Variants in RBFOX3 observed in about 807,000 individuals in gnomAD.
RBFOX3 encodes RNA binding fox-1 homolog 3.
In RBFOX3, 17 loss-of-function variants were observed where a neutral mutation model predicts 48.7. That is an observed-to-expected ratio of 0.35 (90% confidence interval 0.24 to 0.52). The LOEUF (loss-of-function observed/expected upper bound fraction) is 0.52. Ranked by LOEUF, RBFOX3 falls within the 20% of genes least tolerant of loss-of-function variation. The pLI, the probability that RBFOX3 is intolerant of heterozygous loss-of-function variation, is 0.94. For missense variants in RBFOX3, 382 were observed against 497.5 expected, an observed-to-expected ratio of 0.77 and a Z score of 2.21; for synonymous variants, 212 against 209.5, an observed-to-expected ratio of 1.01 and a Z score of -0.10.
intron 2 of RBFOX3, among the ~76,000 whole-genome samples, chr17:79,461,588 T>A (rs2075373645): frequency 6.6e-6 from 1 of 152,242 alleles, no homozygotes; most frequent in Non-Finnish European, 1.5e-5. Context: ...CACTGCCCAT[T>A]TCCCCATGGT....
the RBFOX3 span, among the ~76,000 whole-genome samples, chr17:79,645,846 C>A: frequency 6.6e-6 from 1 of 152,222 alleles, no homozygotes; most frequent in Non-Finnish European, 1.5e-5. Flanking sequence ...TAGAGGGAAC[C>A]TTGAGACACC....
At chr17:79,474,129 A>G (rs1396485701) in intron 2 of RBFOX3, among the ~76,000 whole-genome samples, 1 of 152,082 alleles carries the variant, frequency 6.6e-6, no homozygotes. Context: ...AGAAAAAAAA[A>G]AAAATGAAGA....
chr17:79,342,280 T>C (rs946669168), intron 2 of RBFOX3, among the ~76,000 whole-genome samples: 1 of 152,268 alleles, frequency 6.6e-6, no homozygotes, highest in Non-Finnish European at 1.5e-5. Context: ...GATGTCAGCC[T>C]GACAAACCGC....
At chr17:79,277,208 A>G (rs2069057206) in intron 3 of RBFOX3, among the ~76,000 whole-genome samples, 1 of 147,936 alleles carries the variant, frequency 6.8e-6, no homozygotes, top group Non-Finnish European at 1.5e-5. Flanking sequence ...CTCTGTACAC[A>G]TGGCACAGCC....
chr17:79,366,926 G>A (rs568539914), intron 2 of RBFOX3, among the ~76,000 whole-genome samples: 22 of 152,264 alleles, frequency 1.4e-4, no homozygotes, highest in East Asian at 1.4e-3. Context: ...GAGCCACCTC[G>A]CCCAAGGGCC....
Position 79,094,483 on chromosome 17 carries a change from C to G in RBFOX3, c.1045G>C (p.Gly349Arg), listed in dbSNP as rs1599380251. The change falls in exon 14 of 15, where the codon GGG becomes CGG. Residue 349 changes from glycine (G) to arginine (R), a missense_variant. By Grantham distance (125) the Gly-to-Arg change is moderately radical. Around this residue, in one of 3 missense-constraint regions of RBFOX3, gnomAD observed 215 missense variants for 254.8 expected, o/e 0.84. Coordinates refer to ENST00000693108, the MANE Select transcript of RBFOX3 (RefSeq NM_001350451.2). ...CCAATGCTGTAGGTCGCCGCGGGCC[C>G]GATGGTGTGATGGTACGGGTCGGCA... ...AAADPYHHTI[G>R]PAATYSIGTM is the part of the protein sequence containing the mutation. 6.9e-7 allele frequency: 1 copy of G among 1,442,042 alleles called. No homozygotes were observed. Among genetic ancestry groups the G allele is most frequent in the Non-Finnish European group, 9.1e-7 (1 of 1,094,294 alleles). 89.3% of individuals were successfully genotyped at this position (1,442,042 alleles called of 1,614,324 possible). A position where few individuals can be genotyped will look rare whatever the true frequency, so the allele number is the denominator to read the frequency against.
intron 3 of RBFOX3, among the ~76,000 whole-genome samples, chr17:79,302,511 C>T (rs1481311363): frequency 6.6e-6 from 1 of 152,134 alleles, no homozygotes; most frequent in African/African-American, 2.4e-5. Context: ...GAAACCCCTT[C>T]TCTACTAAAA....
intron 3 of RBFOX3, among the ~76,000 whole-genome samples, chr17:79,305,083 C>T (rs779786408): frequency 1.3e-5 from 2 of 152,302 alleles, no homozygotes; most frequent in African/African-American, 4.8e-5. Flanking sequence ...GTGGGTGGGC[C>T]GCCGCCTGGC....
intron 1 of RBFOX3, among the ~76,000 whole-genome samples, chr17:79,485,125 C>T (rs1380910340): frequency 2.0e-5 from 3 of 152,102 alleles, no homozygotes; most frequent in East Asian, 1.9e-4. Flanking sequence ...AGGGCCTGGG[C>T]GAGAGGAGAG....
chr17:79,168,848 C>CACCT (rs1228738044), intron 4 of RBFOX3, among the ~76,000 whole-genome samples: 3 of 142,500 alleles, frequency 2.1e-5, no homozygotes, highest in East Asian at 3.9e-4. Context: ...GGTGCGCCCT[C>CACCT]GCCTGGCCCT....
At position 79,408,668 on chromosome 17, in the gene RBFOX3, G is replaced by A. The variant is rs117027646; in HGVS notation, c.-175+73786C>T. 9.9e-3 allele frequency among the ~76,000 whole-genome samples: 1,511 copies of A among 152,284 alleles called. 11 individuals carry two copies. Among genetic ancestry groups the A allele is most frequent in the Non-Finnish European group, 0.016 (1,088 of 68,034 alleles). ...GCAGAGTCTTAAAATGCATTTAGCC[G>A]ATGAGGCCCACATTGTTTGGCTGAG... is the stretch of plus-strand genomic sequence containing the variant. On this transcript the variant is annotated intron_variant, in intron 2 of 14. Transcript: ENST00000693108.
At chr17:79,540,146 C>T (rs782364171) in intron 1 of RBFOX3, among the ~76,000 whole-genome samples, 49 of 152,342 alleles carry the variant, frequency 3.2e-4, no homozygotes, top group Middle Eastern at 3.4e-3. Flanking sequence ...CACGCATGCA[C>T]ACACACTCAC....
Position 79,145,117 on chromosome 17 carries a change from T to C in RBFOX3, c.-33-29369A>G, listed in dbSNP as rs114950074. 6.5e-3 allele frequency among the ~76,000 whole-genome samples: 992 copies of C among 152,122 alleles called. 14 individuals carry two copies. The highest frequency in any genetic ancestry group is 0.023 in the African/African-American group (944 of 41,484). On this transcript the variant is annotated intron_variant, in intron 4 of 14. Coordinates refer to ENST00000693108, the MANE Select transcript of RBFOX3 (RefSeq NM_001350451.2). ...CCTGTCCTAGGAGATCAGGGGAAACTGAGAAACTGCCCAGAAAAACAGCTC... is the reference window on the plus strand; with the variant it reads ...CCTGTCCTAGGAGATCAGGGGAAACCGAGAAACTGCCCAGAAAAACAGCTC...
At chr17:79,305,631 T>C (rs1269089153) in intron 3 of RBFOX3, among the ~76,000 whole-genome samples, 2 of 152,142 alleles carry the variant, frequency 1.3e-5, no homozygotes, top group Non-Finnish European at 2.9e-5. Flanking sequence ...GCCTCTCCTT[T>C]GGCCCTGCGT....
Position 79,464,311 on chromosome 17 carries a change from G to A in RBFOX3, c.-175+18143C>T, listed in dbSNP as rs573834236. Among the ~76,000 whole-genome samples the A allele has an allele frequency of 9.2e-5, 14 of 152,408 alleles. No individual in the cohort carries two copies. In the South Asian group the frequency reaches 2.7e-3, roughly 29 times the overall value. On this transcript the variant is annotated intron_variant, in intron 2 of 14. Coordinates refer to ENST00000693108, the MANE Select transcript of RBFOX3 (RefSeq NM_001350451.2). Reference sequence around the variant, plus strand: ...TTCCCAGAAAGACGTTGGGGGAAATGTTAGCGACAGCCCGGAGAAGAGGGG... The same window carrying A: ...TTCCCAGAAAGACGTTGGGGGAAATATTAGCGACAGCCCGGAGAAGAGGGG...
At chr17:79,141,807 G>C (rs902797686) in intron 4 of RBFOX3, among the ~76,000 whole-genome samples, 1 of 152,082 alleles carries the variant, frequency 6.6e-6, no homozygotes, top group Non-Finnish European at 1.5e-5. Flanking sequence ...AGTGCCCCCC[G>C]GTCGCAAGCA....
chr17:79,257,334 C>T (rs1333307253), intron 3 of RBFOX3, among the ~76,000 whole-genome samples: 1 of 152,198 alleles, frequency 6.6e-6, no homozygotes, highest in African/African-American at 2.4e-5. Flanking sequence ...CATGCTTTGG[C>T]AAGTGAAGTC....
At chr17:79,179,488 G>A (rs2051380168) in intron 4 of RBFOX3, among the ~76,000 whole-genome samples, 5 of 152,090 alleles carry the variant, frequency 3.3e-5, no homozygotes, top group Admixed American at 3.3e-4. Context: ...GCGTCCCCCA[G>A]GAAGACCCTG....
At chr17:79,570,754 G>A (rs1262965316) in intron 1 of RBFOX3, among the ~76,000 whole-genome samples, 1 of 152,182 alleles carries the variant, frequency 6.6e-6, no homozygotes, top group Non-Finnish European at 1.5e-5. Context: ...TGCTTTTCAT[G>A]AACTCTCGGG....
Sources: allele counts gnomAD v4.1 joint callset (sites outside exome capture counted in the v4.1 genomes callset), GRCh38; gene constraint gnomAD v4.1.1; regional missense constraint gnomAD v4.1.1; transcripts MANE v1.5; gene names NCBI Gene and HGNC (gene_info 2026-07-23, HGNC 2026-07-21).